The following PTPRD variants were observed in gnomAD, a reference collection of about 807,000 sequenced individuals.
PTPRD encodes receptor-type tyrosine-protein phosphatase delta.
Under a neutral mutation model 214.5 loss-of-function variants are expected in PTPRD, and 34 were observed. The observed-to-expected ratio is 0.16, with a 90% CI of 0.12 to 0.21. The LOEUF (loss-of-function observed/expected upper bound fraction) is 0.21. Among genes scored for constraint, PTPRD ranks in the 10% least tolerant of loss-of-function variants. PTPRD has a pLI of 1.00. For missense variants in PTPRD, 2,545 were observed against 2,398.7 expected (o/e 1.06, Z -1.27); for synonymous variants, 1,128 against 845.7 (o/e 1.33, Z -5.79).
chr9:8,789,634 A>G (rs2096139993), intron 11 of PTPRD, among the ~76,000 whole-genome samples: 1 of 152,152 alleles, frequency 6.6e-6, no homozygotes, highest in Non-Finnish European at 1.5e-5. Flanking sequence ...GAAACAGTAG[A>G]GCAATTTTTT....
chr9:9,204,167 T>C (rs867418819), intron 9 of PTPRD, among the ~76,000 whole-genome samples: 2 of 152,318 alleles, frequency 1.3e-5, no homozygotes, highest in Middle Eastern at 3.4e-3. Context: ...TGATTTCTAA[T>C]CCAGCCTGAT....
intron 2 of PTPRD, among the ~76,000 whole-genome samples, chr9:10,457,969 A>G (rs985649079): frequency 1.4e-4 from 22 of 152,034 alleles, no homozygotes; most frequent in African/African-American, 4.8e-4. Context: ...AAATTGATAC[A>G]TTACTCAAAA....
At chr9:10,093,983 T>A (rs916708077) in intron 3 of PTPRD, among the ~76,000 whole-genome samples, 2 of 151,262 alleles carry the variant, frequency 1.3e-5, no homozygotes, top group East Asian at 3.9e-4. Flanking sequence ...CCCTATAGGG[T>A]ACTATGCTCA....
chr9:9,520,281 AT>A (rs2096936361), intron 8 of PTPRD, among the ~76,000 whole-genome samples: 3 of 76,390 alleles, frequency 3.9e-5, no homozygotes, highest in Non-Finnish European at 7.9e-5. Flanking sequence ...ATATATATAT[AT>A]TAAGTTATAT....
At chr9:9,441,521 G>T (rs931755912) in intron 8 of PTPRD, among the ~76,000 whole-genome samples, 1 of 152,206 alleles carries the variant, frequency 6.6e-6, no homozygotes, top group East Asian at 1.9e-4. Flanking sequence ...GATGATGGAG[G>T]GAGAAACTAG....
intron 3 of PTPRD, among the ~76,000 whole-genome samples, chr9:10,100,024 T>A (rs2098536430): frequency 6.6e-6 from 1 of 151,758 alleles, no homozygotes; most frequent in South Asian, 2.1e-4. Flanking sequence ...AATGTATATG[T>A]GTTTTCGGTG....
rs542194628 is a variant in PTPRD at position 10,315,321 on chromosome 9, A to G, written c.-545+25642T>C. ...ACCTATAAAATATGAGATATATCTAAATCATCAGCAGAATAAATGTAGTTT... is the reference window on the plus strand; with the variant it reads ...ACCTATAAAATATGAGATATATCTAGATCATCAGCAGAATAAATGTAGTTT... On this transcript the variant is annotated intron_variant, in intron 3 of 45. Coordinates refer to ENST00000381196, the MANE Select transcript of PTPRD (RefSeq NM_002839.4). Among the ~76,000 whole-genome samples the G allele has an allele frequency of 1.1e-3, 173 of 152,012 alleles. 1 individual carries two copies. Among genetic ancestry groups the G allele is most frequent in the African/African-American group, 3.8e-3 (159 of 41,540 alleles).
intron 9 of PTPRD, among the ~76,000 whole-genome samples, chr9:9,197,935 A>T (rs373787580): frequency 3.9e-5 from 6 of 152,234 alleles, no homozygotes; most frequent in Non-Finnish European, 8.8e-5. Flanking sequence ...AGGGAATTGC[A>T]TAGCATCAAG....
intron 9 of PTPRD, among the ~76,000 whole-genome samples, chr9:9,387,467 T>G (rs1569567897): frequency 6.6e-6 from 1 of 152,192 alleles, no homozygotes. Context: ...ACTTTTTTCT[T>G]TTTAAAGAGA....
chr9:8,328,317 C>G (rs113449981), intron 44 of PTPRD, among the ~76,000 whole-genome samples: 17,797 of 151,534 alleles, frequency 0.12, 3,454 homozygotes, highest in African/African-American at 0.41. Context: ...GTTGAAAAGT[C>G]TTTTCTTTAG....
chr9:10,319,703 T>C (rs927738583), intron 3 of PTPRD, among the ~76,000 whole-genome samples: 3 of 152,050 alleles, frequency 2.0e-5, no homozygotes, highest in Admixed American at 6.6e-5. Context: ...CTAGTGTTTG[T>C]AAAACCTATG....
At chr9:9,422,903 G>C (rs576856082) in intron 8 of PTPRD, among the ~76,000 whole-genome samples, 1 of 152,228 alleles carries the variant, frequency 6.6e-6, no homozygotes, top group South Asian at 2.1e-4. Context: ...GCACCTTTAA[G>C]TTGTTACAGA....
In PTPRD at chr9:8,948,394, C is replaced by T. The variant is rs1475764246; in HGVS notation, c.-104+70303G>A. Among the ~76,000 whole-genome samples, 33 of 104,692 alleles carry T rather than the reference C, an allele frequency of 3.2e-4. 1 individual carries two copies. Among genetic ancestry groups the T allele is most frequent in the Non-Finnish European group, 1.8e-5 (1 of 55,554 alleles). The allele number at this position is 104,692 out of a possible 152,430, so 68.7% of individuals were successfully genotyped here. A position where few individuals can be genotyped will look rare whatever the true frequency, so the allele number is the denominator to read the frequency against. The stretch of plus-strand genomic sequence containing the variant: ...GTTGTTAGGTTGTTATTGGTATGTC[C>T]ATTGGGTTTAAAATATATATATATA... On this transcript the variant is annotated intron_variant, in intron 11 of 45. Transcript: ENST00000381196.
chr9:9,608,468 T>C (rs2094322495), intron 7 of PTPRD, among the ~76,000 whole-genome samples: 1 of 152,144 alleles, frequency 6.6e-6, no homozygotes. Flanking sequence ...AAACATTATT[T>C]CTCTAAATAC....
intron 12 of PTPRD, among the ~76,000 whole-genome samples, chr9:8,708,803 T>C (rs1034002078): frequency 6.6e-6 from 1 of 152,032 alleles, no homozygotes; most frequent in Non-Finnish European, 1.5e-5. Flanking sequence ...CCCCTGTTTA[T>C]TGCAGTAATA....
intron 10 of PTPRD, chr9:9,091,021 C>T (rs889480739): frequency 5.2e-5 from 81 of 1,565,874 alleles, no homozygotes; most frequent in South Asian, 6.6e-5. Context: ...ATTCGTCATT[C>T]GAAACATAGT....
intron 7 of PTPRD, among the ~76,000 whole-genome samples, chr9:9,606,970 A>C (rs2094200611): frequency 1.3e-5 from 1 of 74,148 alleles, no homozygotes; most frequent in Non-Finnish European, 3.1e-5. Context: ...ACTGCTAAAA[A>C]AAAAAAAAAA....
At chr9:9,687,882 T>A (rs2097193588) in intron 7 of PTPRD, among the ~76,000 whole-genome samples, 1 of 151,796 alleles carries the variant, frequency 6.6e-6, no homozygotes, top group Admixed American at 6.6e-5. Context: ...CCCACCCAAC[T>A]CTTATCTCGA....
chr9:9,733,188 C>T (rs2098229573), intron 7 of PTPRD, among the ~76,000 whole-genome samples: 1 of 152,096 alleles, frequency 6.6e-6, no homozygotes, highest in African/African-American at 2.4e-5. Flanking sequence ...TTATTCTTCA[C>T]GTATCTTGCA....
Sources: allele counts gnomAD v4.1 joint callset (sites outside exome capture counted in the v4.1 genomes callset), GRCh38; gene constraint gnomAD v4.1.1; transcripts MANE v1.5; gene names NCBI Gene and HGNC (gene_info 2026-07-23, HGNC 2026-07-21).